The following PDE6C variants were observed in gnomAD, a reference collection of about 807,000 sequenced individuals.
PDE6C encodes cone cGMP-specific 3',5'-cyclic phosphodiesterase subunit alpha'.
PDE6C carries 75 observed loss-of-function variants against 113.1 expected under a neutral mutation model. The ratio of observed to expected loss-of-function variants is 0.66; its 90% confidence interval spans 0.55 to 0.80. PDE6C has a LOEUF of 0.80. Among genes scored for constraint, PDE6C ranks in the 30% least tolerant of loss-of-function variants. The pLI, the probability that PDE6C is intolerant of heterozygous loss-of-function variation, is 0.00. For missense variants in PDE6C, 912 were observed against 1,038.6 expected (o/e 0.88, Z 1.67); for synonymous variants, 375 against 363.7 (o/e 1.03, Z -0.35).
At chr10:93,653,646 A>AC (rs2058619568) in intron 15 of PDE6C, among the ~76,000 whole-genome samples, 1 of 150,632 alleles carries the variant, frequency 6.6e-6, no homozygotes, top group African/African-American at 2.5e-5. Context: ...TCCATCTCAA[A>AC]AAAAAACAAA....
chr10:93,612,743 A>G lies in PDE6C; in HGVS notation c.18A>G (p.Gln6=), dbSNP rs767202359. ...GCCACACCATGGGTGAGATCAACCAAGTTGCCGTGGAGAAATACCTGGAGG... is the reference window on the plus strand; with the variant it reads ...GCCACACCATGGGTGAGATCAACCAGGTTGCCGTGGAGAAATACCTGGAGG... MGEIN[Q]VAVEKYLEEN... Residue 6 remains glutamine (Q), a synonymous_variant, in exon 1 of 22, where the codon CAA becomes CAG. Transcript: ENST00000371447. 3.1e-6 allele frequency: 5 copies of G among 1,613,892 alleles called. No homozygotes were observed.
chr10:93,629,755 A>G (rs539632100), intron 8 of PDE6C, among the ~76,000 whole-genome samples: 4 of 152,334 alleles, frequency 2.6e-5, no homozygotes, highest in Admixed American at 6.5e-5. Flanking sequence ...TCACACTCCT[A>G]TGAGAATCTG....
At position 93,633,585 on chromosome 10, in the gene PDE6C, C is replaced by T. The variant is rs554107788; in HGVS notation, c.1120-1173C>T. Among the ~76,000 whole-genome samples the T allele has an allele frequency of 7.2e-5, 11 of 152,236 alleles. No individual in the cohort carries two copies. In the South Asian group the frequency reaches 2.3e-3, roughly 32 times the overall value. On this transcript the variant is annotated intron_variant, in intron 8 of 21. Transcript: ENST00000371447. ...TGTGCCTGCATCCCTCGACTAGACC[C>T]TAAGCATCTTGAGGGCAAGACCTGT...
chr10:93,621,827 T>C (rs2058447897), intron 3 of PDE6C, 105 bp from the exon 4 acceptor site: 3 of 1,017,608 alleles, frequency 2.9e-6, no homozygotes, highest in Non-Finnish European at 4.6e-6. Context: ...TCCAATGATA[T>C]GCATTTATTT....
chr10:93,622,193 G>C, intron 4 of PDE6C, 121 bp downstream of exon 4: 1 of 1,066,498 alleles, frequency 9.4e-7, no homozygotes. Flanking sequence ...TTGATGACAA[G>C]AACAGAGGTA....
At chr10:93,626,954 A>C (rs2058476013) in intron 7 of PDE6C, 83 bp downstream of exon 7, 1 of 1,243,272 alleles carries the variant, frequency 8.0e-7, no homozygotes, top group African/African-American at 1.5e-5. Flanking sequence ...TTGTGAAAGC[A>C]AGAATGCATC....
At position 93,635,652 on chromosome 10, in the gene PDE6C, A is replaced by G; in HGVS notation, c.1413+12A>G. On this transcript the variant is annotated intron_variant, in intron 10 of 21. Coordinates refer to ENST00000371447, the MANE Select transcript of PDE6C (RefSeq NM_006204.4). ...TTAAGTCCATTTTGGTAAGTGGGAAATTCAGTCCTGTGGACATAAGATGTT... is the reference window on the plus strand; with the variant it reads ...TTAAGTCCATTTTGGTAAGTGGGAAGTTCAGTCCTGTGGACATAAGATGTT... 1 of 1,613,466 alleles carries G rather than the reference A, an allele frequency of 6.2e-7. No individual in the cohort carries two copies. The highest frequency in any genetic ancestry group is 8.5e-7 in the Non-Finnish European group (1 of 1,179,454).
At position 93,620,745 on chromosome 10, in the gene PDE6C, C is replaced by T; in HGVS notation, c.594C>T (p.Asn198=). 6.2e-7 allele frequency: 1 copy of T among 1,614,122 alleles called. No individual in the cohort carries two copies. Among genetic ancestry groups the T allele is most frequent in the South Asian group, 1.1e-5 (1 of 91,072 alleles). ...TTCTTGCTGTGATCATGGCAGTTAA[C>T]AAAGTAAATGCATCTGAATTTTCCA... The part of the protein sequence containing the change: ...KEVLAVIMAV[N]KVNASEFSKQ... Residue 198 remains asparagine, a synonymous_variant, in exon 2 of 22, where the codon AAC becomes AAT. Transcript: ENST00000371447.
chr10:93,620,985 A>G lies in PDE6C; in HGVS notation c.723+5A>G. On this transcript the variant is annotated splice_donor_5th_base_variant and intron_variant, in intron 3 of 21. Coordinates refer to ENST00000371447, the MANE Select transcript of PDE6C (RefSeq NM_006204.4). ...ATTGAATCCCGAAGAAGCCAGGTAA[A>G]AGGAAGGCAGCATTAGTCATTCCAT... 1 of 1,610,280 alleles carries G rather than the reference A, an allele frequency of 6.2e-7. No individual in the cohort carries two copies. The highest frequency in any genetic ancestry group is 8.5e-7 in the Non-Finnish European group (1 of 1,176,520).
chr10:93,623,240 G>A (rs1275922377), intron 4 of PDE6C, among the ~76,000 whole-genome samples: 1 of 152,152 alleles, frequency 6.6e-6, no homozygotes, highest in East Asian at 1.9e-4. Context: ...CTTCTCATAT[G>A]TTTACTTGCC....
At chr10:93,650,450 G>A (rs914508924) in intron 15 of PDE6C, among the ~76,000 whole-genome samples, 3 of 152,142 alleles carry the variant, frequency 2.0e-5, no homozygotes, top group African/African-American at 7.2e-5. Flanking sequence ...TTCTTGCTGT[G>A]TTGCTTAGGC....
In PDE6C at chr10:93,663,132, G is replaced by C; in HGVS notation, c.2472G>C (p.Lys824Asn). 2 of 1,613,722 alleles carry C rather than the reference G, an allele frequency of 1.2e-6. No individual in the cohort carries two copies. The highest frequency in any genetic ancestry group is 1.7e-6 in the Non-Finnish European group (2 of 1,179,806). ...SLADEYDAKM[K>N]VIEEEAKKQE... ...CTGATGAGTATGATGCAAAGATGAA[G>C]GTCATTGAAGAGGAGGCAAAAAAGC... is the stretch of plus-strand genomic sequence containing the variant. Residue 824 changes from lysine to asparagine, a missense_variant, in exon 21 of 22, where the codon AAG becomes AAC. Coordinates refer to ENST00000371447, the MANE Select transcript of PDE6C (RefSeq NM_006204.4).
In PDE6C at chr10:93,640,565, C is replaced by T; in HGVS notation, c.1737+8C>T. ...ATGTTTACTTTGCTGATGGTAGGTACAGAGGGCTGTAAATCCTTGTAAACC... is the reference window on the plus strand; with the variant it reads ...ATGTTTACTTTGCTGATGGTAGGTATAGAGGGCTGTAAATCCTTGTAAACC... On this transcript the variant is annotated splice_region_variant and intron_variant, in intron 13 of 21. Coordinates refer to ENST00000371447, the MANE Select transcript of PDE6C (RefSeq NM_006204.4). The T allele has an allele frequency of 6.4e-6, 10 of 1,560,052 alleles. No individual in the cohort carries two copies. The highest frequency in any genetic ancestry group is 8.8e-6 in the Non-Finnish European group (10 of 1,130,660).
At chr10:93,620,048 A>C (rs1342997463) in intron 1 of PDE6C, among the ~76,000 whole-genome samples, 1 of 152,124 alleles carries the variant, frequency 6.6e-6, no homozygotes, top group Non-Finnish European at 1.5e-5. Context: ...AGAAAAGGAA[A>C]TTTTAGAAAA....
chr10:93,641,625 C>G (rs933638287), intron 14 of PDE6C, among the ~76,000 whole-genome samples: 1 of 152,006 alleles, frequency 6.6e-6, no homozygotes. Flanking sequence ...GCTGGAGCGA[C>G]AAAGAGAGAC....
chr10:93,626,404 C>A (rs1341426305), intron 5 of PDE6C, among the ~76,000 whole-genome samples: 3 of 152,114 alleles, frequency 2.0e-5, no homozygotes, highest in African/African-American at 7.2e-5. Flanking sequence ...GGCAATTCAA[C>A]TTTTTAAAAA....
intron 14 of PDE6C, among the ~76,000 whole-genome samples, chr10:93,643,637 TG>T (rs1297766098): frequency 6.6e-6 from 1 of 151,656 alleles, no homozygotes; most frequent in Non-Finnish European, 1.5e-5. Flanking sequence ...GCAATCCTCC[TG>T]CCTCAGCCTC....
intron 1 of PDE6C, among the ~76,000 whole-genome samples, chr10:93,615,107 C>T (rs911261606): frequency 6.6e-6 from 1 of 152,152 alleles, no homozygotes; most frequent in Non-Finnish European, 1.5e-5. Flanking sequence ...GGCTGGCCAA[C>T]ATGGGAAACC....
intron 1 of PDE6C, among the ~76,000 whole-genome samples, chr10:93,615,896 C>T (rs916497945): frequency 2.6e-5 from 4 of 152,084 alleles, no homozygotes; most frequent in African/African-American, 9.7e-5. Context: ...GTATATCCCC[C>T]GGGTCCATGG....
Sources: allele counts gnomAD v4.1 joint callset (sites outside exome capture counted in the v4.1 genomes callset), GRCh38; gene constraint gnomAD v4.1.1; transcripts MANE v1.5; gene names NCBI Gene and HGNC (gene_info 2026-07-23, HGNC 2026-07-21).